Variants in CNTNAP5 observed in about 807,000 individuals in gnomAD.
CNTNAP5 encodes contactin associated protein family member 5.
Under a neutral mutation model 150.2 loss-of-function variants are expected in CNTNAP5, and 72 were observed. That is an observed-to-expected ratio of 0.48 (90% confidence interval 0.40 to 0.58). The LOEUF (loss-of-function observed/expected upper bound fraction) is 0.58. Among genes scored for constraint, CNTNAP5 ranks in the 20% least tolerant of loss-of-function variants. The probability of loss-of-function intolerance (pLI) is 0.00; values close to 1 mark genes in which losing one functional copy is unlikely to be tolerated. For missense variants in CNTNAP5, 1,636 were observed against 1,626.2 expected, an observed-to-expected ratio of 1.01 and a Z score of -0.10; for synonymous variants, 672 against 619.8, an observed-to-expected ratio of 1.08 and a Z score of -1.25.
intron 3 of CNTNAP5, among the ~76,000 whole-genome samples, chr2:124,391,727 G>A (rs988911770): frequency 6.6e-6 from 1 of 152,168 alleles, no homozygotes; most frequent in African/African-American, 2.4e-5. Context: ...AGGCCGAGGC[G>A]GGCGGATCAC....
chr2:124,236,113 A>T (rs1387052897), intron 2 of CNTNAP5, among the ~76,000 whole-genome samples: 1 of 152,054 alleles, frequency 6.6e-6, no homozygotes, highest in East Asian at 1.9e-4. Flanking sequence ...TTACAGGCAC[A>T]CATCACCATG....
chr2:124,641,640 A>G (rs1276948565), intron 12 of CNTNAP5, among the ~76,000 whole-genome samples: 1 of 152,342 alleles, frequency 6.6e-6, no homozygotes, highest in East Asian at 1.9e-4. Context: ...TAACTACAGC[A>G]GAAGTGACCC....
chr2:124,805,424 C>T (rs961372764), intron 19 of CNTNAP5, among the ~76,000 whole-genome samples: 2 of 152,088 alleles, frequency 1.3e-5, no homozygotes, highest in Non-Finnish European at 2.9e-5. Flanking sequence ...GCACAATACA[C>T]CTGGGGCAAC....
chr2:124,200,048 G>A lies in CNTNAP5; in HGVS notation c.83-21657G>A, dbSNP rs560308502. On this transcript the variant is annotated intron_variant, in intron 1 of 23. Transcript: ENST00000682447. Reference sequence around the variant, plus strand: ...CATGGTGGGCATATCTGTCTTTTTCGTGATTCTAAAACAATCTTTGCAGCA... The same window carrying A: ...CATGGTGGGCATATCTGTCTTTTTCATGATTCTAAAACAATCTTTGCAGCA... Among the ~76,000 whole-genome samples the A allele has an allele frequency of 2.6e-5, 4 of 152,122 alleles. No homozygotes were observed. The South Asian group carries it at 6.2e-4, about 24-fold the overall frequency.
At chr2:124,679,678 C>T (rs934064779) in intron 13 of CNTNAP5, among the ~76,000 whole-genome samples, 3 of 151,580 alleles carry the variant, frequency 2.0e-5, no homozygotes, top group Non-Finnish European at 4.4e-5. Flanking sequence ...AAGTTATCCT[C>T]CCACCTCAGC....
At chr2:124,710,223 C>A (rs1023888881) in intron 13 of CNTNAP5, among the ~76,000 whole-genome samples, 12 of 152,170 alleles carry the variant, frequency 7.9e-5, no homozygotes, top group Admixed American at 5.2e-4. Flanking sequence ...TTCTAGAAAG[C>A]CCCAAGAAAC....
intron 5 of CNTNAP5, among the ~76,000 whole-genome samples, chr2:124,442,758 TAAAG>T (rs1370181090): frequency 3.3e-5 from 5 of 151,310 alleles, no homozygotes; most frequent in African/African-American, 9.7e-5. Flanking sequence ...CAAACACAAA[TAAAG>T]AAAGGCAAAA....
intron 1 of CNTNAP5, among the ~76,000 whole-genome samples, chr2:124,170,559 C>T (rs1573808273): frequency 1.3e-5 from 2 of 152,162 alleles, no homozygotes; most frequent in South Asian, 2.1e-4. Context: ...CTTCCCGATG[C>T]CTCCAGATAA....
chr2:124,116,256 G>A (rs1683426693), intron 1 of CNTNAP5, among the ~76,000 whole-genome samples: 1 of 152,164 alleles, frequency 6.6e-6, no homozygotes, highest in South Asian at 2.1e-4. Flanking sequence ...GGTACCAGGT[G>A]TTCAAACTAT....
At chr2:124,342,276 G>C (rs548172769) in intron 3 of CNTNAP5, among the ~76,000 whole-genome samples, 1 of 152,182 alleles carries the variant, frequency 6.6e-6, no homozygotes, top group South Asian at 2.1e-4. Context: ...CCTCTTACAG[G>C]TGTGCAGCCA....
intron 13 of CNTNAP5, among the ~76,000 whole-genome samples, chr2:124,736,281 CCT>C (rs567792592): frequency 8.5e-5 from 13 of 152,218 alleles, no homozygotes; most frequent in African/African-American, 3.1e-4. Flanking sequence ...AGATTTTTCC[CCT>C]GACACTGTAC....
Position 124,809,001 on chromosome 2 carries a change from A to T in CNTNAP5, c.3217+10681A>T, listed in dbSNP as rs964358133. Among the ~76,000 whole-genome samples the T allele has an allele frequency of 2.6e-5, 4 of 151,518 alleles. No individual in the cohort carries two copies. In the East Asian group the frequency reaches 7.8e-4, roughly 29 times the overall value. On this transcript the variant is annotated intron_variant, in intron 19 of 23. Transcript: ENST00000682447. ...GACTTTTTTTTTTTCTCTATACTGG[A>T]GATAAGAGTCCTTGACCATGGAAGA...
intron 19 of CNTNAP5, 148 bp from the exon 20 acceptor site, chr2:124,865,158 A>T: frequency 6.5e-6 from 4 of 613,744 alleles, no homozygotes; most frequent in Admixed American, 6.3e-5. Context: ...AGGGACCCTG[A>T]TAAATATACG....
intron 3 of CNTNAP5, among the ~76,000 whole-genome samples, chr2:124,322,758 C>T (rs930758297): frequency 1.3e-5 from 2 of 152,142 alleles, no homozygotes; most frequent in Admixed American, 1.3e-4. Flanking sequence ...GTCCATGGAG[C>T]AGGTCCTCAG....
At chr2:124,198,824 G>C (rs538716056) in intron 1 of CNTNAP5, among the ~76,000 whole-genome samples, 4 of 145,092 alleles carry the variant, frequency 2.8e-5, no homozygotes, top group Non-Finnish European at 6.0e-5. Flanking sequence ...ATTATTTTGT[G>C]TCTGGATGAG....
At chr2:124,813,117 C>A (rs1288637889) in intron 19 of CNTNAP5, among the ~76,000 whole-genome samples, 1 of 151,840 alleles carries the variant, frequency 6.6e-6, no homozygotes, top group Non-Finnish European at 1.5e-5. Context: ...TGCTCTGTCG[C>A]CCAGGCTGGA....
intron 3 of CNTNAP5, among the ~76,000 whole-genome samples, chr2:124,354,660 C>T (rs1215922037): frequency 6.6e-6 from 1 of 152,138 alleles, no homozygotes; most frequent in African/African-American, 2.4e-5. Context: ...TGAGCCAGTT[C>T]TCAGTTTTAT....
rs72974575 is a variant in CNTNAP5, at chr2:124,646,391, A to T, written c.1877-1367A>T. Among the ~76,000 whole-genome samples, 1,064 of 152,200 alleles carry T rather than the reference A, an allele frequency of 7.0e-3. 14 individuals are homozygous for T. The highest frequency in any genetic ancestry group is 0.024 in the African/African-American group (1,011 of 41,544). On this transcript the variant is annotated intron_variant, in intron 12 of 23. Transcript: ENST00000682447. The stretch of plus-strand genomic sequence containing the variant: ...TGTGCTCATCATTACTGTTTCATGG[A>T]TGTGCCTCGGGTCATTTCTTTACTT...
chr2:124,205,126 A>G (rs1327540420), intron 1 of CNTNAP5, among the ~76,000 whole-genome samples: 2 of 152,146 alleles, frequency 1.3e-5, no homozygotes, highest in Non-Finnish European at 2.9e-5. Context: ...GTCCCCACCC[A>G]AATATCATTT....
Sources: allele counts gnomAD v4.1 joint callset (sites outside exome capture counted in the v4.1 genomes callset), GRCh38; gene constraint gnomAD v4.1.1; transcripts MANE v1.5; gene names NCBI Gene and HGNC (gene_info 2026-07-23, HGNC 2026-07-21).